The following CCDC92B variants were observed in gnomAD, a reference collection of about 807,000 sequenced individuals.
CCDC92B encodes the protein coiled-coil domain containing 92B.
CCDC92B carries 2 observed loss-of-function variants against 5.6 expected under a neutral mutation model. The observed-to-expected ratio is 0.36, with a 90% CI of 0.15 to 1.12. The LOEUF (loss-of-function observed/expected upper bound fraction) is 1.12, where lower values mean the gene tolerates loss of function less well. Ranked by LOEUF, CCDC92B falls within the 50% of genes most tolerant of loss-of-function variation. CCDC92B has a pLI of 0.40. For synonymous variants in CCDC92B, 115 were observed against 122.3 expected, an observed-to-expected ratio of 0.94 and a Z score of 0.39; for missense variants, 271 against 262.2, an observed-to-expected ratio of 1.03 and a Z score of -0.23.
rs1209694231 is a variant in CCDC92B, at chr17:2,722,516, G to C, written c.*1895C>G. ...CAGTCCCGAGTGGCGTCAGCTGGGA[G>C]AGCCGCACATTGCTTGGCCCTGAGT... On this transcript the variant is annotated 3_prime_UTR_variant, in exon 4 of 4. Coordinates refer to ENST00000614400, the MANE Select transcript of CCDC92B (RefSeq NM_001355573.2). 1.3e-5 allele frequency: 2 copies of C among 152,250 alleles called. No homozygotes were observed. The highest frequency in any genetic ancestry group is 4.8e-5 in the African/African-American group (2 of 41,434). 9.4% of individuals were successfully genotyped at this position (152,250 alleles called of 1,614,324 possible).
At chr17:2,729,041 TAAAAAA>T (rs953532497) in intron 3 of CCDC92B, among the ~76,000 whole-genome samples, 111 of 151,282 alleles carry the variant, frequency 7.3e-4, no homozygotes, top group African/African-American at 2.5e-3. Context: ...TTTTTAATAT[TAAAAAA>T]AAATGGTAGG....
At chr17:2,749,030 G>A (rs1040201583) in intron 1 of CCDC92B, among the ~76,000 whole-genome samples, 1 of 152,198 alleles carries the variant, frequency 6.6e-6, no homozygotes, top group Non-Finnish European at 1.5e-5. Flanking sequence ...CAGGCTTCAG[G>A]TTCTGCCCTG....
At position 2,735,079 on chromosome 17, in the gene CCDC92B, C is replaced by T. The variant is rs2070842498; in HGVS notation, c.67G>A (p.Glu23Lys). ...AGGTCTCGCAGCAGGGCCATCTGCT[C>T]CTTTTTCAGGAAGCTGATGTGGCGT... Reference protein sequence around the residue: ...VQRHISFLKKEQMALLRDLHL... With the variant: ...VQRHISFLKKKQMALLRDLHL... The change falls in exon 2 of 4, where the codon GAG becomes AAG. Residue 23 changes from glutamate (E) to lysine (K), a missense_variant. Transcript: ENST00000614400. 1 of 985,558 alleles carries T rather than the reference C, an allele frequency of 1.0e-6. No homozygotes were observed. 61.1% of individuals were successfully genotyped at this position (985,558 alleles called of 1,614,324 possible).
In CCDC92B at chr17:2,727,621, C is replaced by T. The variant is rs546944136; in HGVS notation, c.179-2621G>A. Among the ~76,000 whole-genome samples, 146 of 151,980 alleles carry T rather than the reference C, an allele frequency of 9.6e-4. 1 individual carries two copies. The highest frequency in any genetic ancestry group is 2.4e-3 in the African/African-American group (101 of 41,450). ...TGGGCGGATCACAAGGTCAGGAGTT[C>T]GAGACCAGCCTGGCCAGCATGGCGA... is the stretch of plus-strand genomic sequence containing the variant. On this transcript the variant is annotated intron_variant, in intron 3 of 3. Transcript: ENST00000614400.
intron 1 of CCDC92B, among the ~76,000 whole-genome samples, chr17:2,744,697 G>A (rs2070965666): frequency 6.6e-6 from 1 of 152,150 alleles, no homozygotes; most frequent in Admixed American, 6.6e-5. Flanking sequence ...AGATCAAGAT[G>A]CCATGTGTTA....
chr17:2,732,678 C>G (rs1487513384), intron 2 of CCDC92B, among the ~76,000 whole-genome samples: 3 of 151,328 alleles, frequency 2.0e-5, no homozygotes, highest in South Asian at 2.1e-4. Context: ...GATCGTGCCA[C>G]TGTACTCCAG....
chr17:2,732,045 C>T (rs933811773), intron 2 of CCDC92B, among the ~76,000 whole-genome samples: 1 of 152,346 alleles, frequency 6.6e-6, no homozygotes, highest in South Asian at 2.1e-4. Flanking sequence ...CACAATAGCA[C>T]CTTTCCAAGA....
chr17:2,728,555 A>G lies in CCDC92B; in HGVS notation c.178+1891T>C, dbSNP rs1156341471. ...GAGGCAGAGCTTGCAGTGAGCCGAG[A>G]CCGCACCACTGCACTCCAGCCTGGG... On this transcript the variant is annotated intron_variant, in intron 3 of 3. Transcript: ENST00000614400. Among the ~76,000 whole-genome samples the G allele has an allele frequency of 2.6e-5, 4 of 150,950 alleles. No individual in the cohort carries two copies. In the Admixed American group the frequency reaches 2.7e-4, roughly 10 times the overall value.
At chr17:2,738,717 G>A (rs971126680) in intron 1 of CCDC92B, among the ~76,000 whole-genome samples, 26 of 148,180 alleles carry the variant, frequency 1.8e-4, no homozygotes, top group Admixed American at 1.6e-3. Flanking sequence ...CTGAGATCGC[G>A]CCACTGCACT....
intron 2 of CCDC92B, among the ~76,000 whole-genome samples, chr17:2,734,203 T>C (rs920598508): frequency 1.3e-5 from 2 of 152,130 alleles, no homozygotes; most frequent in African/African-American, 4.8e-5. Flanking sequence ...CCCTTTCTCC[T>C]GTGATATCTT....
At chr17:2,745,798 T>C (rs1428919280) in intron 1 of CCDC92B, among the ~76,000 whole-genome samples, 1 of 151,822 alleles carries the variant, frequency 6.6e-6, no homozygotes, top group African/African-American at 2.4e-5. Flanking sequence ...GCTCCATCTT[T>C]CCCCCCGACA....
intron 1 of CCDC92B, among the ~76,000 whole-genome samples, chr17:2,744,612 T>G (rs1455714856): frequency 6.6e-6 from 1 of 152,184 alleles, no homozygotes; most frequent in Admixed American, 6.6e-5. Context: ...CAGGAAGTAC[T>G]CAGTAAACAT....
chr17:2,739,846 C>A (rs1335734530), intron 1 of CCDC92B, among the ~76,000 whole-genome samples: 2 of 152,068 alleles, frequency 1.3e-5, no homozygotes, highest in Non-Finnish European at 2.9e-5. Flanking sequence ...GATTTGCTCA[C>A]TTTCTCATTC....
chr17:2,739,195 A>G (rs370543056), intron 1 of CCDC92B, among the ~76,000 whole-genome samples: 12,227 of 147,716 alleles, frequency 0.083, 1,412 homozygotes, highest in African/African-American at 0.26. Flanking sequence ...GTAGAACCCC[A>G]TCTCTACTAA....
intron 1 of CCDC92B, among the ~76,000 whole-genome samples, chr17:2,745,678 C>T (rs1361451009): frequency 1.3e-5 from 2 of 152,168 alleles, no homozygotes; most frequent in African/African-American, 4.8e-5. Context: ...GCCAGGAAAA[C>T]GTCCGATTTT....
At chr17:2,732,893 GTCCCAGCT>G (rs2070811541) in intron 2 of CCDC92B, among the ~76,000 whole-genome samples, 1 of 149,520 alleles carries the variant, frequency 6.7e-6, no homozygotes, top group South Asian at 2.1e-4. Flanking sequence ...GGCGCCTGTA[GTCCCAGCT>G]ACTCGGGAGG....
At chr17:2,736,914 A>ATTAC (rs1555535623) in intron 1 of CCDC92B, among the ~76,000 whole-genome samples, 4 of 148,320 alleles carry the variant, frequency 2.7e-5, no homozygotes, top group Admixed American at 6.8e-5. Flanking sequence ...AAATAAATAA[A>ATTAC]ATACATACAT....
At chr17:2,737,924 C>T (rs2070874972) in intron 1 of CCDC92B, among the ~76,000 whole-genome samples, 1 of 151,978 alleles carries the variant, frequency 6.6e-6, no homozygotes, top group African/African-American at 2.4e-5. Flanking sequence ...ATTACCACCC[C>T]ACCCCACTTC....
chr17:2,744,023 G>A (rs1195995025), intron 1 of CCDC92B, among the ~76,000 whole-genome samples: 2 of 151,972 alleles, frequency 1.3e-5, no homozygotes, highest in Non-Finnish European at 2.9e-5. Context: ...GATTGCAGGT[G>A]TGCACCACCA....
Sources: gnomAD v4.1 joint callset for allele counts (sites outside exome capture counted in the v4.1 genomes callset) on GRCh38, gnomAD v4.1.1 for gene constraint, MANE v1.5 for transcripts, NCBI Gene and HGNC (gene_info 2026-07-23, HGNC 2026-07-21) for gene names.